Variants in GRM8 observed in about 807,000 individuals in gnomAD.
The protein encoded by GRM8 is glutamate metabotropic receptor 8, also known as metabotropic glutamate receptor 8.
Under a neutral mutation model 87.2 loss-of-function variants are expected in GRM8, and 47 were observed. The ratio of observed to expected loss-of-function variants is 0.54; its 90% CI spans 0.43 to 0.69. The LOEUF (loss-of-function observed/expected upper bound fraction) is 0.69. Among genes scored for constraint, GRM8 ranks in the 30% least tolerant of loss-of-function variants. The probability of loss-of-function intolerance (pLI) is 0.00; values close to 1 mark genes in which losing one functional copy is unlikely to be tolerated. For synonymous variants in GRM8, 396 were observed against 404.5 expected, an observed-to-expected ratio of 0.98 and a Z score of 0.25; for missense variants, 1,019 against 1,139.2, an observed-to-expected ratio of 0.89 and a Z score of 1.52.
At chr7:126,539,330 A>C (rs6467086) in intron 8 of GRM8, among the ~76,000 whole-genome samples, 4,827 of 152,152 alleles carry the variant, frequency 0.032, 173 homozygotes, top group African/African-American at 0.092. Flanking sequence ...TTTATGAATC[A>C]GATGATTTAC....
rs143545196 is a variant in GRM8, at chr7:126,510,485, T to C, written c.2430+22467A>G. On this transcript the variant is annotated intron_variant, in intron 9 of 10. Transcript: ENST00000339582. ...TCTTGTCAAAGATTTCAAGAGGGAT[T>C]TATTGAACATTTAAAATGGAAAAAA... Among the ~76,000 whole-genome samples the C allele has an allele frequency of 3.7e-3, 559 of 152,136 alleles. 5 individuals are homozygous for C. Among genetic ancestry groups the C allele is most frequent in the African/African-American group, 0.013 (534 of 41,542 alleles).
chr7:126,889,997 A>T (rs1424930491), intron 6 of GRM8, among the ~76,000 whole-genome samples: 1 of 152,128 alleles, frequency 6.6e-6, no homozygotes, highest in Admixed American at 6.6e-5. Context: ...TCTGCTGTCC[A>T]ATATGATAGT....
rs532341377 is a variant in GRM8 at position 127,072,928 on chromosome 7, CCT to C, written c.727+33566_727+33567del. Among the ~76,000 whole-genome samples the C allele has an allele frequency of 3.9e-5, 6 of 152,072 alleles. No individual in the cohort carries two copies. The South Asian group carries it at 1.2e-3, about 32-fold the overall frequency. ...CACCAGGAGAGACAAAGCTAGCCCACCTCTCTTTCTTTTTTTTTTTCTTTCTT... is the reference window on the plus strand; with the variant it reads ...CACCAGGAGAGACAAAGCTAGCCCACCTCTTTCTTTTTTTTTTTCTTTCTT... On this transcript the variant is annotated intron_variant, in intron 3 of 10. Transcript: ENST00000339582.
At chr7:127,054,673 A>C (rs1332706530) in intron 3 of GRM8, among the ~76,000 whole-genome samples, 1 of 152,212 alleles carries the variant, frequency 6.6e-6, no homozygotes, top group Non-Finnish European at 1.5e-5. Flanking sequence ...GAATTGAGCC[A>C]CAGGATTCTG....
intron 3 of GRM8, among the ~76,000 whole-genome samples, chr7:127,014,186 T>C (rs1004045446): frequency 6.6e-6 from 1 of 152,142 alleles, no homozygotes; most frequent in African/African-American, 2.4e-5. Context: ...GAGAAGCAAA[T>C]AGGGGCCGCT....
At chr7:126,950,501 C>G (rs1277418268) in intron 3 of GRM8, among the ~76,000 whole-genome samples, 2 of 152,080 alleles carry the variant, frequency 1.3e-5, no homozygotes, top group African/African-American at 4.8e-5. Context: ...ATTTCTCTCT[C>G]TCTCTCAGTA....
intron 2 of GRM8, among the ~76,000 whole-genome samples, chr7:127,181,190 T>C (rs1343974011): frequency 1.3e-5 from 2 of 152,036 alleles, no homozygotes; most frequent in African/African-American, 2.4e-5. Flanking sequence ...AGCTCTTCTA[T>C]ACACCAACAG....
intron 9 of GRM8, among the ~76,000 whole-genome samples, chr7:126,467,073 C>T (rs1049933949): frequency 2.0e-5 from 3 of 151,888 alleles, no homozygotes; most frequent in Non-Finnish European, 4.4e-5. Flanking sequence ...TATACACCTG[C>T]CATGGTGGTT....
At chr7:127,015,055 GAAGAAGAAGAAGAAA>G (rs1256362024) in intron 3 of GRM8, among the ~76,000 whole-genome samples, 7 of 113,150 alleles carry the variant, frequency 6.2e-5, no homozygotes, top group Non-Finnish European at 1.0e-4. Context: ...AGAAGAAGAA[GAAGAAGAAGAAGAAA>G]GAAAGAAGGA....
intron 3 of GRM8, among the ~76,000 whole-genome samples, chr7:126,912,359 T>A (rs1387720849): frequency 6.6e-6 from 1 of 152,228 alleles, no homozygotes; most frequent in Non-Finnish European, 1.5e-5. Flanking sequence ...GAACTCAGCC[T>A]GACTGCTTGA....
chr7:127,042,055 G>A (rs1037291567), intron 3 of GRM8, among the ~76,000 whole-genome samples: 4 of 152,178 alleles, frequency 2.6e-5, no homozygotes, highest in African/African-American at 9.6e-5. Flanking sequence ...GGTTTAGCTT[G>A]ATTGTAGAAA....
intron 7 of GRM8, among the ~76,000 whole-genome samples, chr7:126,673,651 C>A (rs1806631477): frequency 6.6e-6 from 1 of 152,158 alleles, no homozygotes; most frequent in Non-Finnish European, 1.5e-5. Flanking sequence ...AAAGCAAGAT[C>A]ATGCTTATCA....
At chr7:127,133,774 TG>T (rs1827816865) in intron 2 of GRM8, among the ~76,000 whole-genome samples, 1 of 151,638 alleles carries the variant, frequency 6.6e-6, no homozygotes, top group Admixed American at 6.6e-5. Flanking sequence ...TCACCCTTCT[TG>T]GGTTTTTTTC....
At position 126,635,481 on chromosome 7, in the gene GRM8, G is replaced by A. The variant is rs767843482; in HGVS notation, c.1358-25983C>T. 5.8e-4 allele frequency among the ~76,000 whole-genome samples: 89 copies of A among 152,146 alleles called. 2 individuals carry two copies. The highest frequency in any genetic ancestry group is 3.4e-3 in the Middle Eastern group (1 of 294). On this transcript the variant is annotated intron_variant, in intron 7 of 10. Coordinates refer to ENST00000339582, the MANE Select transcript of GRM8 (RefSeq NM_000845.3). ...TTTGAGTATTGTTGCCTTCTGTTGA[G>A]GCCTAACTTTATAGAGTTTTAATGC...
chr7:127,119,763 GAT>G, intron 2 of GRM8, among the ~76,000 whole-genome samples: 1 of 152,210 alleles, frequency 6.6e-6, no homozygotes, highest in Admixed American at 6.5e-5. Context: ...AAGCACTTAC[GAT>G]ATGTCAACAC....
chr7:127,077,905 A>G (rs1007901547), intron 3 of GRM8, among the ~76,000 whole-genome samples: 1 of 152,150 alleles, frequency 6.6e-6, no homozygotes, highest in Admixed American at 6.5e-5. Flanking sequence ...ATCTCAAGAC[A>G]TTTTTGGTTG....
chr7:127,245,027 T>A (rs1798511526), intron 1 of GRM8, among the ~76,000 whole-genome samples: 2 of 152,196 alleles, frequency 1.3e-5, no homozygotes, highest in Non-Finnish European at 2.9e-5. Context: ...CACTGTTTAG[T>A]CCCTCACACT....
intron 7 of GRM8, among the ~76,000 whole-genome samples, chr7:126,729,418 G>A (rs575114860): frequency 1.3e-5 from 2 of 152,248 alleles, no homozygotes; most frequent in South Asian, 4.1e-4. Flanking sequence ...CTTACCCCTT[G>A]GGTGGAAAAA....
chr7:126,573,952 A>G (rs1233283643), intron 8 of GRM8, among the ~76,000 whole-genome samples: 1 of 152,216 alleles, frequency 6.6e-6, no homozygotes, highest in African/African-American at 2.4e-5. Flanking sequence ...GTTGAGGTAT[A>G]ATACTTGTAG....
Sources: allele counts gnomAD v4.1 joint callset (sites outside exome capture counted in the v4.1 genomes callset), GRCh38; gene constraint gnomAD v4.1.1; transcripts MANE v1.5; gene names NCBI Gene and HGNC (gene_info 2026-07-23, HGNC 2026-07-21).